APCDD1: variants seen among roughly 807,000 people sequenced by gnomAD.
The protein encoded by APCDD1 is protein APCDD1.
APCDD1 carries 15 observed loss-of-function variants against 38.1 expected under a neutral mutation model. That is an observed-to-expected ratio of 0.39 (90% confidence interval 0.26 to 0.61). APCDD1 has a LOEUF of 0.61. APCDD1 is among the 20% of genes least tolerant of loss of function. The probability of loss-of-function intolerance (pLI) is 0.49; values close to 1 mark genes in which losing one functional copy is unlikely to be tolerated. For synonymous variants in APCDD1, 261 were observed against 279.7 expected (o/e 0.93, Z 0.67); for missense variants, 647 against 696.2 (o/e 0.93, Z 0.79).
intron 1 of APCDD1, among the ~76,000 whole-genome samples, chr18:10,463,430 G>A (rs534332389): frequency 1.3e-5 from 2 of 152,288 alleles, no homozygotes; most frequent in South Asian, 2.1e-4. Flanking sequence ...TACTTCAGGC[G>A]ATGCAACAAA....
chr18:10,482,886 A>G (rs1176021819), intron 3 of APCDD1, among the ~76,000 whole-genome samples: 1 of 152,204 alleles, frequency 6.6e-6, no homozygotes, highest in Non-Finnish European at 1.5e-5. Flanking sequence ...AGGCAAAGCT[A>G]CCGTACTCAG....
rs1786681 is a variant in APCDD1, at chr18:10,489,789, G to C, written c.*1751G>C. 1.3e-5 allele frequency: 2 copies of C among 152,192 alleles called. No individual in the cohort carries two copies. Among genetic ancestry groups the C allele is most frequent in the East Asian group, 3.9e-4 (2 of 5,184 alleles). 9.4% of individuals were successfully genotyped at this position (152,192 alleles called of 1,614,324 possible). A position where few individuals can be genotyped will look rare whatever the true frequency, so the allele number is the denominator to read the frequency against. On this transcript the variant is annotated 3_prime_UTR_variant, in exon 5 of 5. Coordinates refer to ENST00000355285, the MANE Select transcript of APCDD1 (RefSeq NM_153000.5). Reference sequence around the variant, plus strand: ...CACATAGAGTACCAAAGTGCTTCAGGTTATATTTTAAGTTGTGGTGCAGAC... The same window carrying C: ...CACATAGAGTACCAAAGTGCTTCAGCTTATATTTTAAGTTGTGGTGCAGAC...
chr18:10,488,132 C>G lies in APCDD1; in HGVS notation c.*94C>G. 6.9e-7 allele frequency: 1 copy of G among 1,444,652 alleles called. No homozygotes were observed. Among genetic ancestry groups the G allele is most frequent in the Non-Finnish European group, 9.5e-7 (1 of 1,057,508 alleles). The allele number at this position is 1,444,652 out of a possible 1,614,324, so 89.5% of individuals were successfully genotyped here. On this transcript the variant is annotated 3_prime_UTR_variant, in exon 5 of 5. Coordinates refer to ENST00000355285, the MANE Select transcript of APCDD1 (RefSeq NM_153000.5). ...AAAAGACATTTATTCTTTTGATGCA[C>G]TTGAATGCCAGAGAACTGTCCTTCT...
chr18:10,461,204 C>A (rs1478065222), intron 1 of APCDD1, among the ~76,000 whole-genome samples: 1 of 152,148 alleles, frequency 6.6e-6, no homozygotes, highest in Non-Finnish European at 1.5e-5. Flanking sequence ...ACCGAGCCCT[C>A]CAGAGCTCCA....
At chr18:10,463,045 G>C (rs955107195) in intron 1 of APCDD1, among the ~76,000 whole-genome samples, 4 of 151,934 alleles carry the variant, frequency 2.6e-5, no homozygotes, top group Non-Finnish European at 5.9e-5. Context: ...CAGATGTGTG[G>C]TGCTCTCAAC....
At chr18:10,468,444 C>T (rs751520081) in intron 1 of APCDD1, 25 bp from the exon 2 acceptor site, 3 of 1,613,924 alleles carry the variant, frequency 1.9e-6, no homozygotes, top group Admixed American at 1.7e-5. Context: ...CTTCTTTTGG[C>T]TAACTTTCCA....
At chr18:10,461,145 T>A (rs1235341072) in intron 1 of APCDD1, among the ~76,000 whole-genome samples, 1 of 152,174 alleles carries the variant, frequency 6.6e-6, no homozygotes, top group Non-Finnish European at 1.5e-5. Flanking sequence ...ATGTATTCCT[T>A]GGGAGTAAAT....
At chr18:10,484,225 G>A (rs963565971) in intron 3 of APCDD1, among the ~76,000 whole-genome samples, 6 of 152,220 alleles carry the variant, frequency 3.9e-5, no homozygotes, top group Admixed American at 1.3e-4. Flanking sequence ...CGGGCAGACC[G>A]GGACAGAGGG....
rs1051393252 is a variant in APCDD1, at chr18:10,488,409, A to T, written c.*371A>T. The T allele has an allele frequency of 6.9e-5, 13 of 187,258 alleles. No individual in the cohort carries two copies. The highest frequency in any genetic ancestry group is 2.9e-4 in the African/African-American group (12 of 42,076). The allele number at this position is 187,258 out of a possible 1,614,324, so 11.6% of individuals were successfully genotyped here. On this transcript the variant is annotated 3_prime_UTR_variant, in exon 5 of 5. Coordinates refer to ENST00000355285, the MANE Select transcript of APCDD1 (RefSeq NM_153000.5). ...TTAGAAGAAACAACTATCAAGCTAC[A>T]ACTTTTCCTGCCATTTTCCTGTGGT...
In APCDD1 at chr18:10,454,779, C is replaced by T. The variant is rs2030322303; in HGVS notation, c.-203C>T. 1.0e-6 allele frequency: 1 copy of T among 980,244 alleles called. No individual in the cohort carries two copies. The highest frequency in any genetic ancestry group is 4.7e-5 in the South Asian group (1 of 21,306). The allele number at this position is 980,244 out of a possible 1,614,324, so 60.7% of individuals were successfully genotyped here. A position where few individuals can be genotyped will look rare whatever the true frequency, so the allele number is the denominator to read the frequency against. On this transcript the variant is annotated 5_prime_UTR_variant, in exon 1 of 5. Coordinates refer to ENST00000355285, the MANE Select transcript of APCDD1 (RefSeq NM_153000.5). The stretch of plus-strand genomic sequence containing the variant: ...CGGGACGCGGACCGGGCCGGGGCGC[C>T]CACAGCCGCCCGACGGCGCCCAGAG...
chr18:10,468,742 A>G (rs2030780140), intron 2 of APCDD1, 90 bp downstream of exon 2: 3 of 1,327,566 alleles, frequency 2.3e-6, no homozygotes, highest in South Asian at 1.2e-5. Context: ...GAGACTTTAT[A>G]TCATTTACAA....
chr18:10,488,464 A>C lies in APCDD1; in HGVS notation c.*426A>C. On this transcript the variant is annotated 3_prime_UTR_variant, in exon 5 of 5. Transcript: ENST00000355285. ...GCCTGTCTTCCTTTGAAATTGTTTT[A>C]CTCTCTGAGTTTTATATGCTGGAAT... 5.5e-6 allele frequency: 1 copy of C among 181,412 alleles called. No individual in the cohort carries two copies. Among genetic ancestry groups the C allele is most frequent in the Non-Finnish European group, 1.2e-5 (1 of 86,454 alleles). The allele number at this position is 181,412 out of a possible 1,614,324, so 11.2% of individuals were successfully genotyped here.
intron 1 of APCDD1, among the ~76,000 whole-genome samples, chr18:10,464,633 C>A (rs1207867599): frequency 2.6e-5 from 4 of 152,160 alleles, no homozygotes; most frequent in African/African-American, 9.7e-5. Context: ...CTTGCCCATG[C>A]TGGTCTCAAA....
At chr18:10,486,390 G>T (rs1471355119) in intron 4 of APCDD1, among the ~76,000 whole-genome samples, 1 of 152,180 alleles carries the variant, frequency 6.6e-6, no homozygotes, top group Non-Finnish European at 1.5e-5. Flanking sequence ...TCTGCACTTT[G>T]TGTTCTTTAT....
chr18:10,454,858 G>A lies in APCDD1; in HGVS notation c.-124G>A. 1 of 1,100,978 alleles carries A rather than the reference G, an allele frequency of 9.1e-7. No homozygotes were observed. The highest frequency in any genetic ancestry group is 4.2e-5 in the South Asian group (1 of 24,050). The allele number at this position is 1,100,978 out of a possible 1,614,324, so 68.2% of individuals were successfully genotyped here. On this transcript the variant is annotated 5_prime_UTR_variant, in exon 1 of 5. Transcript: ENST00000355285. Reference sequence around the variant, plus strand: ...CCCGCCGGGCATGGGGCGCGCGGCAGCCGCCTGAAGCCCCGGCCTGGCCCG... The same window carrying A: ...CCCGCCGGGCATGGGGCGCGCGGCAACCGCCTGAAGCCCCGGCCTGGCCCG...
chr18:10,464,919 G>T (rs999731618), intron 1 of APCDD1, among the ~76,000 whole-genome samples: 1 of 152,106 alleles, frequency 6.6e-6, no homozygotes, highest in East Asian at 1.9e-4. Context: ...TAACTGTTCT[G>T]TTAGTTAGAG....
At chr18:10,455,208 G>T (rs2030346181) in intron 1 of APCDD1, among the ~76,000 whole-genome samples, 169 bp downstream of exon 1, 1 of 152,212 alleles carries the variant, frequency 6.6e-6, no homozygotes, top group Admixed American at 6.5e-5. Flanking sequence ...GGGAGAGGGG[G>T]CTCTGCCCAC....
At chr18:10,462,895 C>T (rs2030607323) in intron 1 of APCDD1, among the ~76,000 whole-genome samples, 2 of 149,526 alleles carry the variant, frequency 1.3e-5, no homozygotes. Context: ...TTCCTGCTTT[C>T]AATCTGTCCC....
In APCDD1 at chr18:10,487,967, C is replaced by A; in HGVS notation, c.1474C>A (p.His492Asn). 1 of 1,613,866 alleles carries A rather than the reference C, an allele frequency of 6.2e-7. No homozygotes were observed. Among genetic ancestry groups the A allele is most frequent in the African/African-American group, 1.3e-5 (1 of 75,062 alleles). The change falls in exon 5 of 5, where the codon CAC becomes AAC. Residue 492 changes from histidine to asparagine, a missense_variant. Coordinates refer to ENST00000355285, the MANE Select transcript of APCDD1 (RefSeq NM_153000.5). ...SSLYGRAPGR[H>N]TWSLLLAALA... Reference sequence around the variant, plus strand: ...CCTGTATGGCCGGGCCCCTGGGAGGCACACCTGGTCCCTGCTGCTGGCTGC... The same window carrying A: ...CCTGTATGGCCGGGCCCCTGGGAGGAACACCTGGTCCCTGCTGCTGGCTGC...
Sources: allele counts gnomAD v4.1 joint callset (sites outside exome capture counted in the v4.1 genomes callset), GRCh38; gene constraint gnomAD v4.1.1; transcripts MANE v1.5; gene names NCBI Gene and HGNC (gene_info 2026-07-23, HGNC 2026-07-21).